MGMT: variants seen among roughly 807,000 people sequenced by gnomAD.
The protein encoded by MGMT is O-6-methylguanine-DNA methyltransferase, also known as methylated-DNA--protein-cysteine methyltransferase.
In MGMT, 14 loss-of-function variants were observed where a neutral mutation model predicts 15.9. The ratio of observed to expected loss-of-function variants is 0.88; its 90% CI spans 0.58 to 1.37. The LOEUF is 1.37. MGMT is among the 40% of genes most tolerant of loss of function. The pLI, the probability that MGMT is intolerant of heterozygous loss-of-function variation, is 0.00. For missense variants in MGMT, 282 were observed against 268.1 expected (o/e 1.05, Z -0.36); for synonymous variants, 130 against 118.2 (o/e 1.10, Z -0.65).
chr10:129,669,350 G>C (rs1034657980), intron 2 of MGMT, among the ~76,000 whole-genome samples: 1 of 151,808 alleles, frequency 6.6e-6, no homozygotes, highest in East Asian at 1.9e-4. Context: ...TTTTTTTCCT[G>C]ATCTTTCTGG....
intron 3 of MGMT, among the ~76,000 whole-genome samples, chr10:129,715,300 A>G (rs2133149055): frequency 6.6e-6 from 1 of 152,370 alleles, no homozygotes; most frequent in East Asian, 1.9e-4. Flanking sequence ...TGCCTTTAGA[A>G]GGATTTTCCG....
At chr10:129,682,169 T>G (rs747229051) in intron 2 of MGMT, among the ~76,000 whole-genome samples, 2 of 152,098 alleles carry the variant, frequency 1.3e-5, no homozygotes, top group African/African-American at 4.8e-5. Flanking sequence ...GGAAAACTTA[T>G]GTCCACACAA....
At position 129,565,402 on chromosome 10, in the gene MGMT, A is replaced by G. The variant is rs1245052668; in HGVS notation, c.125+29025A>G. Reference sequence around the variant, plus strand: ...AGTAGATATGTTAGAAAAATGTAATATTGGTGTGTGGACCCCTCAGCCTCT... The same window carrying G: ...AGTAGATATGTTAGAAAAATGTAATGTTGGTGTGTGGACCCCTCAGCCTCT... On this transcript the variant is annotated intron_variant, in intron 2 of 4. Coordinates refer to ENST00000651593, the MANE Select transcript of MGMT (RefSeq NM_002412.5). 5.3e-5 allele frequency among the ~76,000 whole-genome samples: 8 copies of G among 152,264 alleles called. No individual in the cohort carries two copies. The East Asian group carries it at 1.5e-3, about 29-fold the overall frequency.
chr10:129,529,328 A>G (rs1021207440), intron 1 of MGMT, among the ~76,000 whole-genome samples: 4 of 152,024 alleles, frequency 2.6e-5, no homozygotes, highest in African/African-American at 9.7e-5. Flanking sequence ...TTTTCCACAG[A>G]TGGGAGTGGG....
At chr10:129,503,772 G>T (rs1049997391) in intron 1 of MGMT, among the ~76,000 whole-genome samples, 4 of 152,198 alleles carry the variant, frequency 2.6e-5, no homozygotes. Context: ...GAATTCTGTC[G>T]GATCCAGGGG....
At chr10:129,510,633 A>G (rs931774981) in intron 1 of MGMT, among the ~76,000 whole-genome samples, 1 of 152,218 alleles carries the variant, frequency 6.6e-6, no homozygotes, top group African/African-American at 2.4e-5. Context: ...GGAAGTTGAT[A>G]GAAGTGTACA....
chr10:129,528,884 G>T (rs1480520719), intron 1 of MGMT, among the ~76,000 whole-genome samples: 1 of 152,168 alleles, frequency 6.6e-6, no homozygotes, highest in Non-Finnish European at 1.5e-5. Flanking sequence ...CTCGCTCTTT[G>T]GCTACAGTTG....
intron 2 of MGMT, among the ~76,000 whole-genome samples, chr10:129,585,012 G>C (rs1455484129): frequency 6.6e-6 from 1 of 152,148 alleles, no homozygotes; most frequent in African/African-American, 2.4e-5. Flanking sequence ...GGATTCCTGG[G>C]TCCGATGGCA....
chr10:129,655,623 T>C (rs1363675112), intron 2 of MGMT, among the ~76,000 whole-genome samples: 1 of 152,176 alleles, frequency 6.6e-6, no homozygotes, highest in East Asian at 1.9e-4. Flanking sequence ...CAAACAGGGA[T>C]GAGTTTGTAA....
rs1289503974 is a variant in MGMT at position 129,770,847 on chromosome 10, G to C, written c.*3850G>C. Among the ~76,000 whole-genome samples, 3 of 149,708 alleles carry C rather than the reference G, an allele frequency of 2.0e-5. No individual in the cohort carries two copies. The highest frequency in any genetic ancestry group is 4.4e-5 in the Non-Finnish European group (3 of 67,742). ...TTCTTGTTGCCATCGGGGCAGTGGA[G>C]TCCCCGGAAACAGTCCAAGGCCCTG... is the stretch of plus-strand genomic sequence containing the variant. On this transcript the variant is annotated 3_prime_UTR_variant, in exon 5 of 5. Transcript: ENST00000651593.
At chr10:129,639,246 T>C (rs1424045205) in intron 2 of MGMT, among the ~76,000 whole-genome samples, 1 of 152,092 alleles carries the variant, frequency 6.6e-6, no homozygotes, top group East Asian at 1.9e-4. Context: ...TAGCATTAGA[T>C]GATGTATATT....
intron 2 of MGMT, among the ~76,000 whole-genome samples, chr10:129,554,048 A>G (rs921116361): frequency 2.6e-5 from 4 of 152,188 alleles, no homozygotes; most frequent in Non-Finnish European, 4.4e-5. Context: ...TGTGACCATG[A>G]GGGCGTGGGA....
chr10:129,677,262 A>G (rs1847796703), intron 2 of MGMT, among the ~76,000 whole-genome samples: 1 of 150,832 alleles, frequency 6.6e-6, no homozygotes, highest in African/African-American at 2.4e-5. Flanking sequence ...AAATTGTCTT[A>G]TATTATTTAT....
At chr10:129,643,086 G>C (rs1272772490) in intron 2 of MGMT, among the ~76,000 whole-genome samples, 3 of 152,168 alleles carry the variant, frequency 2.0e-5, no homozygotes, top group Admixed American at 1.3e-4. Context: ...GAGTTTTGTA[G>C]CTGAGTGAAA....
Position 129,521,626 on chromosome 10 carries a change from G to A in MGMT, c.-12-14615G>A, listed in dbSNP as rs1037114407. Among the ~76,000 whole-genome samples the A allele has an allele frequency of 4.6e-5, 7 of 152,284 alleles. No homozygotes were observed. The East Asian group carries it at 1.4e-3, about 29-fold the overall frequency. The stretch of plus-strand genomic sequence containing the variant: ...GCTCTCTCCCAGGCCCCCAGGGAGG[G>A]TGTTTCCACCTGGTACCTTGGGGAG... On this transcript the variant is annotated intron_variant, in intron 1 of 4. Coordinates refer to ENST00000651593, the MANE Select transcript of MGMT (RefSeq NM_002412.5).
intron 2 of MGMT, among the ~76,000 whole-genome samples, chr10:129,666,519 GTT>G (rs1847660977): frequency 6.6e-6 from 1 of 151,882 alleles, no homozygotes; most frequent in Non-Finnish European, 1.5e-5. Flanking sequence ...ATTTTTTAAT[GTT>G]TGTTTTATAA....
chr10:129,542,595 G>A (rs1327231767), intron 2 of MGMT, among the ~76,000 whole-genome samples: 1 of 152,162 alleles, frequency 6.6e-6, no homozygotes, highest in Non-Finnish European at 1.5e-5. Flanking sequence ...CTTTTCCTCA[G>A]TGCCGTGAAA....
chr10:129,514,907 AC>A (rs1291798835), intron 1 of MGMT, among the ~76,000 whole-genome samples: 1 of 152,184 alleles, frequency 6.6e-6, no homozygotes. Flanking sequence ...AGCATGCCCC[AC>A]CCGGAGATGG....
At chr10:129,681,792 C>T (rs576431050) in intron 2 of MGMT, among the ~76,000 whole-genome samples, 2 of 152,246 alleles carry the variant, frequency 1.3e-5, no homozygotes, top group South Asian at 4.1e-4. Flanking sequence ...ATCCTGGAGG[C>T]ACTCACCAGC....
Sources: allele counts gnomAD v4.1 joint callset (sites outside exome capture counted in the v4.1 genomes callset), GRCh38; gene constraint gnomAD v4.1.1; transcripts MANE v1.5; gene names NCBI Gene and HGNC (gene_info 2026-07-23, HGNC 2026-07-21).